LINGO2: variants seen among roughly 807,000 people sequenced by gnomAD.
LINGO2 encodes the protein leucine-rich repeat and immunoglobulin-like domain-containing nogo receptor-interacting protein 2.
A neutral mutation model predicts 30.6 loss-of-function variants in LINGO2; 14 were observed. The observed-to-expected ratio is 0.46, with a 90% CI of 0.30 to 0.72. The LOEUF is 0.72. Among genes scored for constraint, LINGO2 ranks in the 30% least tolerant of loss-of-function variants. The pLI, the probability that LINGO2 is intolerant of heterozygous loss-of-function variation, is 0.07. For missense variants in LINGO2, 729 were observed against 751.7 expected, an observed-to-expected ratio of 0.97 and a Z score of 0.35; for synonymous variants, 317 against 288.5, an observed-to-expected ratio of 1.10 and a Z score of -1.00.
At chr9:29,015,303 TA>T in the LINGO2 span, among the ~76,000 whole-genome samples, 1 of 152,078 alleles carries the variant, frequency 6.6e-6, no homozygotes, top group Non-Finnish European at 1.5e-5. Context: ...GGTATACAAA[TA>T]AAAAATAATT....
At chr9:28,168,156 G>GT (rs1828484585) in intron 4 of LINGO2, among the ~76,000 whole-genome samples, 1 of 152,198 alleles carries the variant, frequency 6.6e-6, no homozygotes, top group African/African-American at 2.4e-5. Context: ...AGCAGGGAGT[G>GT]TGGTGATAAC....
intron 5 of LINGO2, among the ~76,000 whole-genome samples, chr9:28,008,484 AG>A (rs35607893): frequency 0.77 from 117,351 of 151,792 alleles, 46,629 homozygotes; most frequent in Admixed American, 0.86. Context: ...CAGTTATGGA[AG>A]GAAAAAAAGG....
chr9:28,111,735 A>G (rs1218996960), intron 4 of LINGO2, among the ~76,000 whole-genome samples: 6 of 152,138 alleles, frequency 3.9e-5, no homozygotes, highest in Admixed American at 3.9e-4. Flanking sequence ...TTGATCAATG[A>G]AGTATAGTTA....
At chr9:28,136,506 C>T (rs1486412565) in intron 4 of LINGO2, among the ~76,000 whole-genome samples, 1 of 152,184 alleles carries the variant, frequency 6.6e-6, no homozygotes, top group Non-Finnish European at 1.5e-5. Flanking sequence ...AGCAGGGATG[C>T]TCAGGATTTC....
the LINGO2 span, among the ~76,000 whole-genome samples, chr9:28,803,677 G>T: frequency 6.6e-6 from 1 of 151,796 alleles, no homozygotes; most frequent in Non-Finnish European, 1.5e-5. Context: ...CTGACATCTA[G>T]TCCAATTATT....
chr9:28,820,688 T>G, the LINGO2 span, among the ~76,000 whole-genome samples: 1 of 152,342 alleles, frequency 6.6e-6, no homozygotes, highest in African/African-American at 2.4e-5. Context: ...AAATTCAGTT[T>G]AAAGTAGCAG....
At chr9:28,868,080 C>G in the LINGO2 span, among the ~76,000 whole-genome samples, 1 of 152,020 alleles carries the variant, frequency 6.6e-6, no homozygotes, top group African/African-American at 2.4e-5. Flanking sequence ...TCTTTCCTTT[C>G]TTACTCATTA....
chr9:29,116,577 G>C, the LINGO2 span, among the ~76,000 whole-genome samples: 102 of 151,896 alleles, frequency 6.7e-4, no homozygotes, highest in Non-Finnish European at 1.3e-3. Context: ...TAATTATTTT[G>C]GGTGGTGCCT....
At chr9:28,833,625 A>G in the LINGO2 span, among the ~76,000 whole-genome samples, 4 of 152,328 alleles carry the variant, frequency 2.6e-5, no homozygotes, top group East Asian at 7.7e-4. Flanking sequence ...AGAAGTGTGT[A>G]GCTTCATAAA....
At chr9:28,466,433 G>C (rs1825305918) in intron 2 of LINGO2, among the ~76,000 whole-genome samples, 1 of 152,176 alleles carries the variant, frequency 6.6e-6, no homozygotes, top group African/African-American at 2.4e-5. Flanking sequence ...TCATGAGACA[G>C]AGAGTAGATG....
chr9:28,087,548 A>G (rs1031732928), intron 4 of LINGO2, among the ~76,000 whole-genome samples: 8 of 151,982 alleles, frequency 5.3e-5, no homozygotes, highest in Non-Finnish European at 1.0e-4. Context: ...AGATTCTTTC[A>G]TTCTTCATTC....
chr9:28,086,076 T>G lies in LINGO2; in HGVS notation c.-86-73671A>C, dbSNP rs181546188. 4.0e-3 allele frequency among the ~76,000 whole-genome samples: 608 copies of G among 152,192 alleles called. 9 individuals are homozygous for G. Among genetic ancestry groups the G allele is most frequent in the South Asian group, 0.024 (116 of 4,820 alleles). On this transcript the variant is annotated intron_variant, in intron 4 of 5. Transcript: ENST00000379992. The stretch of plus-strand genomic sequence containing the variant: ...TACATAGGACAGCCCTGGAAGGACA[T>G]ATCCCATATGCATTTGGACAAGGAG...
the LINGO2 span, among the ~76,000 whole-genome samples, chr9:28,959,612 T>TCTCTCTCTCTCTCTCA: frequency 1.5e-5 from 2 of 132,162 alleles, no homozygotes; most frequent in African/African-American, 6.4e-5. Flanking sequence ...TCTCTCTCCC[T>TCTCTCTCTCTCTCTCA]CACACACACA....
chr9:28,765,840 TG>T, the LINGO2 span, among the ~76,000 whole-genome samples: 3 of 151,844 alleles, frequency 2.0e-5, no homozygotes, highest in South Asian at 4.2e-4. Context: ...AAATACATGA[TG>T]GGAAAAGGAT....
chr9:28,863,581 A>G, the LINGO2 span: 1 of 520,040 alleles, frequency 1.9e-6, no homozygotes, highest in South Asian at 1.4e-5. Flanking sequence ...GGCTCAGTAA[A>G]GGAATCTTAG....
At chr9:28,336,514 C>T (rs769634009) in intron 3 of LINGO2, among the ~76,000 whole-genome samples, 12 of 152,092 alleles carry the variant, frequency 7.9e-5, no homozygotes, top group Non-Finnish European at 1.8e-4. Context: ...ACTTTCTATA[C>T]ATCCTTTCCA....
At chr9:28,932,686 T>C in the LINGO2 span, among the ~76,000 whole-genome samples, 1 of 149,174 alleles carries the variant, frequency 6.7e-6, no homozygotes, top group African/African-American at 2.4e-5. Flanking sequence ...TATCATTGTA[T>C]AATTTAAGAA....
chr9:29,069,331 A>G, the LINGO2 span, among the ~76,000 whole-genome samples: 1 of 152,032 alleles, frequency 6.6e-6, no homozygotes, highest in Non-Finnish European at 1.5e-5. Flanking sequence ...TTGCTAAGAT[A>G]TAATACTCAA....
At chr9:27,949,655 A>T (rs894798215) in exon 6 of LINGO2, 1 of 1,614,020 alleles carries the variant, frequency 6.2e-7, no homozygotes, top group Non-Finnish European at 8.5e-7. Context: ...AGGAGAAGAC[A>T]TTCTCTTCCA....
Sources: gnomAD v4.1 joint callset for allele counts (sites outside exome capture counted in the v4.1 genomes callset) on GRCh38, gnomAD v4.1.1 for gene constraint, MANE v1.5 for transcripts, NCBI Gene and HGNC (gene_info 2026-07-23, HGNC 2026-07-21) for gene names.